The following CLEC16A variants were observed in gnomAD, a reference collection of about 807,000 sequenced individuals.
CLEC16A encodes the protein C-type lectin domain containing 16A, also known as protein CLEC16A.
A neutral mutation model predicts 109.5 loss-of-function variants in CLEC16A; 51 were observed. The observed-to-expected ratio is 0.47, with a 90% CI of 0.37 to 0.59. The LOEUF (loss-of-function observed/expected upper bound fraction) is 0.59, where lower values mean the gene tolerates loss of function less well. Among genes scored for constraint, CLEC16A ranks in the 20% least tolerant of loss-of-function variants. The pLI, the probability that CLEC16A is intolerant of heterozygous loss-of-function variation, is 0.00. For missense variants in CLEC16A, 1,339 were observed against 1,394.0 expected (o/e 0.96, Z 0.63); for synonymous variants, 673 against 564.2 (o/e 1.19, Z -2.73).
rs1567428968 is a variant in CLEC16A at position 11,179,943 on chromosome 16, G to C, written c.*1253G>C. 6.5e-6 allele frequency: 1 copy of C among 152,862 alleles called. No homozygotes were observed. Among genetic ancestry groups the C allele is most frequent in the Non-Finnish European group, 1.5e-5 (1 of 68,578 alleles). The allele number at this position is 152,862 out of a possible 1,614,324, so 9.5% of individuals were successfully genotyped here. Reference sequence around the variant, plus strand: ...CAAGATGTTCCTTTCTACTCGGCCAGCTCGGGAGCCAGACACAGCACTCAC... The same window carrying C: ...CAAGATGTTCCTTTCTACTCGGCCACCTCGGGAGCCAGACACAGCACTCAC... On this transcript the variant is annotated 3_prime_UTR_variant, in exon 24 of 24. Transcript: ENST00000409790.
At chr16:11,004,521 AC>A (rs890951320) in intron 11 of CLEC16A, among the ~76,000 whole-genome samples, 1 of 151,926 alleles carries the variant, frequency 6.6e-6, no homozygotes, top group Non-Finnish European at 1.5e-5. Context: ...CTCTGAAACC[AC>A]CTCTCCACAG....
chr16:11,171,823 A>G (rs1314326303), intron 23 of CLEC16A, among the ~76,000 whole-genome samples: 1 of 151,922 alleles, frequency 6.6e-6, no homozygotes, highest in Non-Finnish European at 1.5e-5. Flanking sequence ...CACACATACA[A>G]ATGTGCATGC....
At chr16:10,958,871 T>C (rs2042117731) in intron 2 of CLEC16A, among the ~76,000 whole-genome samples, 1 of 152,062 alleles carries the variant, frequency 6.6e-6, no homozygotes, top group African/African-American at 2.4e-5. Context: ...GCCACTGCAC[T>C]CCAGCCTGGG....
In CLEC16A at chr16:11,005,457, C is replaced by T. The variant is rs1479735494; in HGVS notation, c.1303+2152C>T. Among the ~76,000 whole-genome samples the T allele has an allele frequency of 2.6e-5, 4 of 152,198 alleles. No individual in the cohort carries two copies. In the East Asian group the frequency reaches 7.7e-4, roughly 29 times the overall value. On this transcript the variant is annotated intron_variant, in intron 11 of 23. Coordinates refer to ENST00000409790, the MANE Select transcript of CLEC16A (RefSeq NM_015226.3). ...TGCTTGAACAGTTGGTGCTTCAGGG[C>T]TCAGTCACACATGGCTCTCAATGAC...
At chr16:11,168,587 C>T (rs747005820) in intron 23 of CLEC16A, among the ~76,000 whole-genome samples, 3 of 152,250 alleles carry the variant, frequency 2.0e-5, no homozygotes, top group Non-Finnish European at 4.4e-5. Context: ...CTTACAGATG[C>T]CTCAGGATGC....
rs373865850 is a variant in CLEC16A, at chr16:11,075,378, C to CTGTGTGTG, written c.2116+14382_2116+14389dup. Among the ~76,000 whole-genome samples, 403 of 134,690 alleles carry CTGTGTGTG rather than the reference C, an allele frequency of 3.0e-3. 3 individuals are homozygous for CTGTGTGTG. The highest frequency in any genetic ancestry group is 4.1e-3 in the Admixed American group (56 of 13,712). The allele number at this position is 134,690 out of a possible 152,430, so 88.4% of individuals were successfully genotyped here. On this transcript the variant is annotated intron_variant, in intron 19 of 23. Transcript: ENST00000409790. ...CCCAGCACTGTGACCTTGGATATGT[C>CTGTGTGTG]TGTGTGTGTGTGTGTGTGTGTGTGT...
At chr16:11,137,636 C>A (rs1026188518) in intron 22 of CLEC16A, among the ~76,000 whole-genome samples, 1 of 148,012 alleles carries the variant, frequency 6.8e-6, no homozygotes, top group Non-Finnish European at 1.5e-5. Flanking sequence ...TGGTGAAATC[C>A]CATCTCTACT....
At chr16:11,154,802 C>A (rs1442282643) in intron 22 of CLEC16A, among the ~76,000 whole-genome samples, 3 of 152,108 alleles carry the variant, frequency 2.0e-5, no homozygotes, top group Non-Finnish European at 1.5e-5. Context: ...TGGCAGTTGC[C>A]TATAATCCCA....
At position 11,178,154 on chromosome 16, in the gene CLEC16A, C is replaced by G. The variant is rs1447423822; in HGVS notation, c.2807-181C>G. The stretch of plus-strand genomic sequence containing the variant: ...GTATTTTCCCCAGGCCTAAGTCAGA[C>G]TGGATTTTGCAGGTTCTGTGTCCCC... On this transcript the variant is annotated intron_variant, in intron 23 of 23. Transcript: ENST00000409790. The surrounding 1 kb of genome is among the most constrained non-coding windows in gnomAD (Gnocchi z 6.5). Among the ~76,000 whole-genome samples the G allele has an allele frequency of 1.3e-5, 2 of 152,206 alleles. No homozygotes were observed. The highest frequency in any genetic ancestry group is 2.9e-5 in the Non-Finnish European group (2 of 68,038).
At chr16:11,011,646 G>A (rs889326495) in intron 11 of CLEC16A, among the ~76,000 whole-genome samples, 75 of 152,274 alleles carry the variant, frequency 4.9e-4, no homozygotes, top group African/African-American at 1.7e-3. Context: ...TGTGCTCATC[G>A]CTACTGAGGT....
In CLEC16A at chr16:10,946,356, A is replaced by T. The variant is rs539185745; in HGVS notation, c.80+1559A>T. Among the ~76,000 whole-genome samples, 3 of 152,286 alleles carry T rather than the reference A, an allele frequency of 2.0e-5. No homozygotes were observed. In the East Asian group the frequency reaches 5.8e-4, roughly 29 times the overall value. On this transcript the variant is annotated intron_variant, in intron 1 of 23. Transcript: ENST00000409790. ...CACAGTTCTCAGCTGTGACCTTTCT[A>T]GCATGGAGCAGCATTTAGTAAACGT... is the stretch of plus-strand genomic sequence containing the variant.
chr16:11,070,892 G>C (rs375544867), intron 19 of CLEC16A: 1 of 152,226 alleles, frequency 6.6e-6, no homozygotes, highest in Non-Finnish European at 1.5e-5. Context: ...CACGAAAACC[G>C]TACCCCAAAT....
intron 13 of CLEC16A, among the ~76,000 whole-genome samples, chr16:11,030,277 G>C (rs2046663604): frequency 6.6e-6 from 1 of 152,184 alleles, no homozygotes; most frequent in Admixed American, 6.6e-5. Flanking sequence ...GAATGGAATG[G>C]CTGAATCATA....
rs895339936 is a variant in CLEC16A, at chr16:10,947,899, CTTT to C, written c.80+3111_80+3113del. The stretch of plus-strand genomic sequence containing the variant: ...ACACAAGGCATCTGGAAACCCTCTT[CTTT>C]TTTTTTTTGAGATAAGAGTCTTGCT... On this transcript the variant is annotated intron_variant, in intron 1 of 23. Transcript: ENST00000409790. Among the ~76,000 whole-genome samples the C allele has an allele frequency of 6.3e-5, 9 of 142,284 alleles. No homozygotes were observed. In the South Asian group the frequency reaches 2.1e-3, roughly 34 times the overall value. 93.3% of individuals were successfully genotyped at this position (142,284 alleles called of 152,430 possible).
At chr16:11,165,916 C>A (rs566414623) in intron 22 of CLEC16A, among the ~76,000 whole-genome samples, 1 of 152,148 alleles carries the variant, frequency 6.6e-6, no homozygotes, top group African/African-American at 2.4e-5. Flanking sequence ...GTCCAGGGCA[C>A]TGTCCTCCTG....
intron 4 of CLEC16A, among the ~76,000 whole-genome samples, chr16:10,969,819 C>T (rs1194640080): frequency 5.3e-5 from 8 of 152,186 alleles, no homozygotes; most frequent in Admixed American, 5.2e-4. Flanking sequence ...AAGGAAGTCC[C>T]AGTCCCTTTC....
intron 16 of CLEC16A, among the ~76,000 whole-genome samples, chr16:11,046,662 C>G (rs1033534594): frequency 6.6e-6 from 1 of 152,174 alleles, no homozygotes; most frequent in East Asian, 1.9e-4. Flanking sequence ...CCTAGACAGA[C>G]ATGCCATTCA....
At chr16:11,095,806 T>C (rs1370835513) in intron 19 of CLEC16A, among the ~76,000 whole-genome samples, 4 of 130,010 alleles carry the variant, frequency 3.1e-5, no homozygotes, top group Non-Finnish European at 4.8e-5. Flanking sequence ...AGCAAAACTC[T>C]GTCTCAAAAA....
intron 11 of CLEC16A, among the ~76,000 whole-genome samples, chr16:11,017,762 A>G (rs1054588604): frequency 3.5e-4 from 53 of 152,164 alleles, no homozygotes; most frequent in African/African-American, 1.2e-3. Flanking sequence ...AATAGCAGAA[A>G]GACATTGCAC....
Sources: gnomAD v4.1 joint callset for allele counts (sites outside exome capture counted in the v4.1 genomes callset) on GRCh38, gnomAD v4.1.1 for gene constraint, Gnocchi (gnomAD v3.1) non-coding constraint, MANE v1.5 for transcripts, NCBI Gene and HGNC (gene_info 2026-07-23, HGNC 2026-07-21) for gene names.